The following PATJ variants were observed in gnomAD, a reference collection of about 807,000 sequenced individuals.
PATJ encodes the protein inaD-like protein.
Under a neutral mutation model 224.9 loss-of-function variants are expected in PATJ, and 190 were observed. The ratio of observed to expected loss-of-function variants is 0.84; its 90% CI spans 0.75 to 0.95. The LOEUF (loss-of-function observed/expected upper bound fraction) is 0.95, where lower values mean the gene tolerates loss of function less well. Ranked by LOEUF, PATJ falls within the 40% of genes least tolerant of loss-of-function variation. The probability of loss-of-function intolerance (pLI) is 0.00; values close to 1 mark genes in which losing one functional copy is unlikely to be tolerated. For synonymous variants in PATJ, 769 were observed against 820.3 expected, an observed-to-expected ratio of 0.94 and a Z score of 1.07; for missense variants, 2,121 against 2,270.3, an observed-to-expected ratio of 0.93 and a Z score of 1.34.
At chr1:61,871,519 ATAAATATGTGTGTGTGTG>A in intron 20 of PATJ, among the ~76,000 whole-genome samples, 1 of 49,218 alleles carries the variant, frequency 2.0e-5, no homozygotes, top group Non-Finnish European at 5.1e-5. Context: ...ACGCATATAT[ATAAATATGTGTGTGTGTG>A]TGTATATATA....
intron 27 of PATJ, among the ~76,000 whole-genome samples, chr1:61,970,113 T>G (rs1224140631): frequency 6.6e-6 from 1 of 152,026 alleles, no homozygotes; most frequent in African/African-American, 2.4e-5. Context: ...GTGCTCTTGG[T>G]ATCATATCCA....
At chr1:61,769,855 A>T (rs1646500625) in intron 5 of PATJ, among the ~76,000 whole-genome samples, 1 of 152,222 alleles carries the variant, frequency 6.6e-6, no homozygotes. Context: ...TATTCTTAAG[A>T]TTATAACAAC....
chr1:61,895,152 T>A (rs1670178142), intron 22 of PATJ, among the ~76,000 whole-genome samples: 1 of 152,128 alleles, frequency 6.6e-6, no homozygotes, highest in African/African-American at 2.4e-5. Context: ...GGTTTGAAAT[T>A]GGAACTTATA....
chr1:61,857,939 C>T (rs1243639512), intron 18 of PATJ, among the ~76,000 whole-genome samples: 1 of 152,048 alleles, frequency 6.6e-6, no homozygotes, highest in Non-Finnish European at 1.5e-5. Flanking sequence ...ATGTATGAAA[C>T]ATTTTAACTT....
rs1489863164 is a variant in PATJ at position 61,795,524 on chromosome 1, A to G, written c.1226A>G (p.Asn409Ser). 6.8e-6 allele frequency: 11 copies of G among 1,610,382 alleles called. No individual in the cohort carries two copies. The highest frequency in any genetic ancestry group is 6.7e-5 in the Admixed American group (4 of 59,798). ...SIIPGSAAYH[N>S]GHIQVNDKIV... ...ATACCTGGCAGTGCTGCGTACCACA[A>G]TGGCCACATTCAAGTGAATGACAAA... is the stretch of plus-strand genomic sequence containing the variant. The change falls in exon 10 of 44, where the codon AAT becomes AGT. Residue 409 changes from asparagine to serine, a missense_variant. Physicochemically the swap from Asn to Ser is conservative, Grantham distance 46. Transcript: ENST00000642238.
rs763636107 is a variant in PATJ, at chr1:62,117,169, T to C, written c.4841T>C (p.Leu1614Pro). The C allele has an allele frequency of 1.9e-6, 3 of 1,614,098 alleles. No homozygotes were observed. Among genetic ancestry groups the C allele is most frequent in the South Asian group, 2.2e-5 (2 of 91,078 alleles). ...QGLVQLEIGRLRAGSWTSART... is the reference protein window; with the variant it reads ...QGLVQLEIGRPRAGSWTSART... ...CTTGTGCAGCTAGAGATTGGAAGAC[T>C]CCGAGCTGGTTCCTGGACCTCCGCA... Residue 1614 changes from leucine (L) to proline (P), a missense_variant, in exon 37 of 44, where the codon CTC (leucine) becomes CCC (proline). Coordinates refer to ENST00000642238, the MANE Select transcript of PATJ (RefSeq NM_001350145.3).
chr1:61,912,396 C>A (rs1005306100), intron 25 of PATJ, among the ~76,000 whole-genome samples: 12 of 151,850 alleles, frequency 7.9e-5, no homozygotes, highest in Non-Finnish European at 1.5e-4. Context: ...GAGTTGGAGA[C>A]CAGCCTGGCC....
chr1:62,049,397 A>G (rs1280787942), intron 30 of PATJ, among the ~76,000 whole-genome samples: 1 of 152,114 alleles, frequency 6.6e-6, no homozygotes, highest in African/African-American at 2.4e-5. Flanking sequence ...TCTGTTGTCC[A>G]TTTGATAGTT....
chr1:62,056,286 A>T (rs1241444631), intron 31 of PATJ, among the ~76,000 whole-genome samples: 1 of 152,246 alleles, frequency 6.6e-6, no homozygotes, highest in Non-Finnish European at 1.5e-5. Flanking sequence ...GCTCTTTAAC[A>T]CATGCTAACT....
intron 30 of PATJ, among the ~76,000 whole-genome samples, chr1:62,048,096 T>C (rs1267493067): frequency 6.6e-6 from 1 of 152,222 alleles, no homozygotes; most frequent in Non-Finnish European, 1.5e-5. Context: ...TAGCAAGTGA[T>C]TTAAAATGTA....
At chr1:61,796,675 T>TTTCTTTCTTTCTTTCTTTCTTTC (rs1651209713) in intron 10 of PATJ, among the ~76,000 whole-genome samples, 2 of 27,518 alleles carry the variant, frequency 7.3e-5, no homozygotes, top group African/African-American at 1.6e-4. Flanking sequence ...TCTTTCTTTC[T>TTTCTTTCTTTCTTTCTTTCTTTC]TTCTTTCTTT....
intron 28 of PATJ, chr1:61,991,452 T>C: frequency 1.0e-6 from 1 of 976,040 alleles, no homozygotes; most frequent in South Asian, 4.7e-5. Context: ...GAAGGCTTAC[T>C]GATTTTGCAT....
At chr1:61,767,682 T>TC (rs201693224) in intron 4 of PATJ, among the ~76,000 whole-genome samples, 96 of 148,744 alleles carry the variant, frequency 6.5e-4, no homozygotes, top group East Asian at 4.9e-3. Context: ...TCTTTTCTTT[T>TC]TTTTTTTTTT....
At chr1:62,065,954 A>T (rs1656338872) in intron 31 of PATJ, among the ~76,000 whole-genome samples, 2 of 152,156 alleles carry the variant, frequency 1.3e-5, no homozygotes, top group Non-Finnish European at 2.9e-5. Flanking sequence ...GGGAAGCCTT[A>T]TTTGCACACA....
chr1:61,989,856 T>C (rs1644964363), intron 27 of PATJ, among the ~76,000 whole-genome samples: 1 of 152,190 alleles, frequency 6.6e-6, no homozygotes, highest in African/African-American at 2.4e-5. Flanking sequence ...TGCATGACCT[T>C]AAGTACCTTC....
chr1:61,763,176 T>G lies in PATJ; in HGVS notation c.186T>G (p.Gly62=). 6.4e-7 allele frequency: 1 copy of G among 1,558,512 alleles called. No homozygotes were observed. Among genetic ancestry groups the G allele is most frequent in the African/African-American group, 1.4e-5 (1 of 72,942 alleles). ...AGCAGTCCATCAAGCAACTGAAGGG[T>G]CAAGTAAGTTACCCATCAGAGTTTT... ...TLQQSIKQLK[G]QLNHIPSDCS... Residue 62 remains glycine, a synonymous_variant, in exon 3 of 44, where the codon GGT becomes GGG. Transcript: ENST00000642238.
chr1:61,952,369 T>TA (rs1466974713), intron 27 of PATJ: 2 of 715,934 alleles, frequency 2.8e-6, no homozygotes, highest in Non-Finnish European at 5.2e-6. Flanking sequence ...GGAATGCAGA[T>TA]ACCCTGAAGG....
chr1:62,099,107 A>C (rs991835040), intron 33 of PATJ, among the ~76,000 whole-genome samples: 1 of 151,984 alleles, frequency 6.6e-6, no homozygotes, highest in Admixed American at 6.6e-5. Flanking sequence ...TAGATTGAGG[A>C]TTTTGCCACC....
chr1:61,812,592 T>C (rs1655102063), intron 14 of PATJ, among the ~76,000 whole-genome samples: 1 of 151,982 alleles, frequency 6.6e-6, no homozygotes, highest in African/African-American at 2.4e-5. Context: ...CTCACACCTG[T>C]AATCCTAGCA....
Sources: allele counts gnomAD v4.1 joint callset (sites outside exome capture counted in the v4.1 genomes callset), GRCh38; gene constraint gnomAD v4.1.1; transcripts MANE v1.5; gene names NCBI Gene and HGNC (gene_info 2026-07-23, HGNC 2026-07-21).